CCN4: variants seen among roughly 807,000 people sequenced by gnomAD.
CCN4 encodes the protein cellular communication network factor 4.
A neutral mutation model predicts 36.7 loss-of-function variants in CCN4; 30 were observed. That is an observed-to-expected ratio of 0.82 (90% CI 0.61 to 1.11). The LOEUF (loss-of-function observed/expected upper bound fraction) is 1.11, where lower values mean the gene tolerates loss of function less well. Among genes scored for constraint, CCN4 ranks in the 50% least tolerant of loss-of-function variants. The pLI is 0.00. For missense variants in CCN4, 505 were observed against 504.9 expected (o/e 1.00, Z 0.00); for synonymous variants, 191 against 195.4 (o/e 0.98, Z 0.19).
intron 3 of CCN4, among the ~76,000 whole-genome samples, chr8:133,222,113 A>G (rs1854556828): frequency 6.6e-6 from 1 of 151,534 alleles, no homozygotes; most frequent in African/African-American, 2.4e-5. Flanking sequence ...GGATGGATCA[A>G]TTAATGGATG....
rs555748225 is a variant in CCN4, at chr8:133,227,975, C to A, written c.*265C>A. On this transcript the variant is annotated 3_prime_UTR_variant, in exon 5 of 5. Coordinates refer to ENST00000250160, the MANE Select transcript of CCN4 (RefSeq NM_003882.4). Reference sequence around the variant, plus strand: ...GGACTACACCCAAGCCTGATCCAGCCTTTCCAAGTCACTAGAAGTCCTGCT... The same window carrying A: ...GGACTACACCCAAGCCTGATCCAGCATTTCCAAGTCACTAGAAGTCCTGCT... 12 of 375,474 alleles carry A rather than the reference C, an allele frequency of 3.2e-5. No individual in the cohort carries two copies. Among genetic ancestry groups the A allele is most frequent in the Non-Finnish European group, 5.7e-5 (12 of 209,762 alleles). 23.3% of individuals were successfully genotyped at this position (375,474 alleles called of 1,614,324 possible). A position where few individuals can be genotyped will look rare whatever the true frequency, so the allele number is the denominator to read the frequency against.
chr8:133,208,990 C>T (rs1352993484), intron 1 of CCN4, among the ~76,000 whole-genome samples: 1 of 152,190 alleles, frequency 6.6e-6, no homozygotes, highest in Admixed American at 6.5e-5. Flanking sequence ...GTCTGTTGGC[C>T]TCACTAGGTG....
At chr8:133,215,236 A>G (rs557896922) in intron 2 of CCN4, among the ~76,000 whole-genome samples, 1 of 152,320 alleles carries the variant, frequency 6.6e-6, no homozygotes, top group African/African-American at 2.4e-5. Flanking sequence ...AGTGGGAATG[A>G]GGATCTAGTC....
chr8:133,215,932 T>C (rs1854304018), intron 2 of CCN4, among the ~76,000 whole-genome samples: 1 of 152,130 alleles, frequency 6.6e-6, no homozygotes. Flanking sequence ...TTTTTAGATG[T>C]ATTTAATACT....
intron 2 of CCN4, among the ~76,000 whole-genome samples, chr8:133,214,030 A>ATATGTAGTAGTTATATAAAC: frequency 8.6e-6 from 1 of 116,354 alleles, no homozygotes; most frequent in African/African-American, 3.4e-5. Flanking sequence ...TATACATACT[A>ATATGTAGTAGTTATATAAAC]TATATACACT....
intron 1 of CCN4, among the ~76,000 whole-genome samples, chr8:133,196,812 G>A (rs929303555): frequency 3.9e-5 from 6 of 152,166 alleles, no homozygotes; most frequent in Admixed American, 3.3e-4. Flanking sequence ...CCAATAGCAG[G>A]GCAGGGGAAT....
intron 2 of CCN4, among the ~76,000 whole-genome samples, chr8:133,216,225 C>T (rs1459702218): frequency 6.6e-6 from 1 of 152,172 alleles, no homozygotes; most frequent in Non-Finnish European, 1.5e-5. Flanking sequence ...AAGAAACAAT[C>T]TTTCCACAAA....
At chr8:133,194,442 GGTGT>G (rs200762612) in intron 1 of CCN4, among the ~76,000 whole-genome samples, 19,243 of 67,860 alleles carry the variant, frequency 0.28, 4,060 homozygotes, top group African/African-American at 0.5. Flanking sequence ...ATGTGTGTGT[GGTGT>G]GTGTGTGGTA....
chr8:133,207,176 C>T (rs922962580), intron 1 of CCN4, among the ~76,000 whole-genome samples: 2 of 152,254 alleles, frequency 1.3e-5, no homozygotes, highest in African/African-American at 2.4e-5. Context: ...AAGTTCTGGC[C>T]ATGAGGCCCC....
intron 4 of CCN4, 118 bp downstream of exon 4, chr8:133,225,701 C>T (rs1485949194): frequency 2.0e-6 from 2 of 1,007,564 alleles, no homozygotes; most frequent in African/African-American, 1.6e-5. Context: ...TTAAGCTCAC[C>T]TGGTAGGTCT....
chr8:133,210,387 G>GTA (rs1853967154), intron 1 of CCN4, among the ~76,000 whole-genome samples: 4 of 42,172 alleles, frequency 9.5e-5, no homozygotes, highest in African/African-American at 2.8e-4. Flanking sequence ...AAAAAGAGGG[G>GTA]TGTGTGTGTG....
intron 2 of CCN4, among the ~76,000 whole-genome samples, chr8:133,215,410 T>TC (rs1854283864): frequency 6.6e-6 from 1 of 152,236 alleles, no homozygotes; most frequent in Admixed American, 6.5e-5. Context: ...TCATAATTTA[T>TC]TCTTCCAGTA....
intron 2 of CCN4, among the ~76,000 whole-genome samples, chr8:133,218,425 G>A (rs1056393614): frequency 6.6e-6 from 1 of 152,212 alleles, no homozygotes; most frequent in Non-Finnish European, 1.5e-5. Flanking sequence ...TGGACGCTAT[G>A]TGTCTTCACC....
intron 3 of CCN4, among the ~76,000 whole-genome samples, chr8:133,224,229 CTTTTTTTTTTTTTTTTTT>C (rs59929763): frequency 3.4e-5 from 3 of 88,494 alleles, no homozygotes; most frequent in East Asian, 3.8e-4. Flanking sequence ...CCCGTAAGTC[CTTTTTTTTTTTTTTTTTT>C]TTTTTTTTTT....
At chr8:133,192,874 G>A (rs1334438010) in intron 1 of CCN4, among the ~76,000 whole-genome samples, 1 of 152,254 alleles carries the variant, frequency 6.6e-6, no homozygotes, top group Admixed American at 6.5e-5. Context: ...TCAGCCAGAG[G>A]AGACCAGCAA....
chr8:133,204,885 G>C (rs953645231), intron 1 of CCN4, among the ~76,000 whole-genome samples: 1 of 152,204 alleles, frequency 6.6e-6, no homozygotes, highest in Non-Finnish European at 1.5e-5. Flanking sequence ...AGTTTCACAG[G>C]CCAGTGATTC....
chr8:133,219,309 C>G (rs1279360371), intron 2 of CCN4, among the ~76,000 whole-genome samples: 1 of 152,102 alleles, frequency 6.6e-6, no homozygotes, highest in Admixed American at 6.6e-5. Flanking sequence ...CTCCCACAGC[C>G]CAGGCTTGCT....
At chr8:133,207,785 G>A (rs935894903) in intron 1 of CCN4, among the ~76,000 whole-genome samples, 16 of 152,142 alleles carry the variant, frequency 1.1e-4, no homozygotes, top group African/African-American at 2.7e-4. Flanking sequence ...ACAGATGGGC[G>A]GCATGTGGTT....
intron 1 of CCN4, among the ~76,000 whole-genome samples, chr8:133,192,763 G>A (rs555100989): frequency 6.6e-6 from 1 of 152,354 alleles, no homozygotes; most frequent in Admixed American, 6.5e-5. Context: ...TGAGTGGGCA[G>A]AGGAGGCGAG....
Sources: allele counts gnomAD v4.1 joint callset (sites outside exome capture counted in the v4.1 genomes callset), GRCh38; gene constraint gnomAD v4.1.1; transcripts MANE v1.5; gene names NCBI Gene and HGNC (gene_info 2026-07-23, HGNC 2026-07-21).